FAM120AOS: variants seen among roughly 807,000 people sequenced by gnomAD.
FAM120AOS encodes the protein family with sequence similarity 120 member A opposite strand, also known as uncharacterized protein FAM120AOS.
Under a neutral mutation model 20.2 loss-of-function variants are expected in FAM120AOS, and 15 were observed. The observed-to-expected ratio is 0.74, with a 90% CI of 0.50 to 1.15. The LOEUF is 1.15. Ranked by LOEUF, FAM120AOS falls within the 50% of genes most tolerant of loss-of-function variation. The probability of loss-of-function intolerance (pLI) is 0.00; values close to 1 mark genes in which losing one functional copy is unlikely to be tolerated. For synonymous variants in FAM120AOS, 154 were observed against 154.0 expected (o/e 1.00, Z 0.00); for missense variants, 327 against 351.9 (o/e 0.93, Z 0.57).
In FAM120AOS at chr9:93,443,573, CT is replaced by C. The variant is rs955347393; in HGVS notation, c.*4037del. ...TGCTAAAATTCCCTGAAGAATGTTT[CT>C]TTTTTTTCTGTTTTGTCAGGCAATC... On this transcript the variant is annotated 3_prime_UTR_variant, in exon 3 of 3. Transcript: ENST00000375412. Among the ~76,000 whole-genome samples, 3 of 152,042 alleles carry C rather than the reference CT, an allele frequency of 2.0e-5. No homozygotes were observed. The East Asian group carries it at 5.8e-4, about 29-fold the overall frequency.
At chr9:93,448,885 A>T (rs977704797) in intron 2 of FAM120AOS, among the ~76,000 whole-genome samples, 2 of 151,886 alleles carry the variant, frequency 1.3e-5, no homozygotes, top group African/African-American at 4.8e-5. Flanking sequence ...AGCCTCCCAA[A>T]GTGCTGGGAT....
In FAM120AOS at chr9:93,446,083, CAG is replaced by C. The variant is rs1362801493; in HGVS notation, c.*1526_*1527del. 6.6e-6 allele frequency among the ~76,000 whole-genome samples: 1 copy of C among 152,160 alleles called. No homozygotes were observed. The highest frequency in any genetic ancestry group is 1.5e-5 in the Non-Finnish European group (1 of 68,034). ...GGGACTTTATAGGGCAGAGCTTTCC[CAG>C]ACTCTTGTTCCACCCTAAGGATAAA... On this transcript the variant is annotated 3_prime_UTR_variant, in exon 3 of 3. Transcript: ENST00000375412.
intron 2 of FAM120AOS, among the ~76,000 whole-genome samples, chr9:93,449,492 A>ATTTTTTTTTTTT (rs10667664): frequency 4.6e-5 from 5 of 109,510 alleles, no homozygotes; most frequent in East Asian, 2.7e-4. Flanking sequence ...TGGCACTGGC[A>ATTTTTTTTTTTT]TTTTTTTTTT....
At position 93,453,000 on chromosome 9, in the gene FAM120AOS, T is replaced by G. The variant is rs1857347726; in HGVS notation, c.-291A>C. Reference sequence around the variant, plus strand: ...CGTGTTCCTCTTAGTACAGGGTGTTTAGAGAATCTTTCTATGGCTTTTTGT... The same window carrying G: ...CGTGTTCCTCTTAGTACAGGGTGTTGAGAGAATCTTTCTATGGCTTTTTGT... On this transcript the variant is annotated 5_prime_UTR_variant, in exon 1 of 3. Transcript: ENST00000375412. This position sits in a 1 kb window ranked among gnomAD's most constrained non-coding sequence, Gnocchi z 7.0. The G allele has an allele frequency of 2.2e-5, 27 of 1,254,474 alleles. No individual in the cohort carries two copies. The South Asian group carries it at 4.6e-4, about 21-fold the overall frequency. The allele number at this position is 1,254,474 out of a possible 1,614,324, so 77.7% of individuals were successfully genotyped here.
In FAM120AOS at chr9:93,451,573, G is replaced by A. The variant is rs867701440; in HGVS notation, c.563+574C>T. 3 of 984,348 alleles carry A rather than the reference G, an allele frequency of 3.0e-6. No individual in the cohort carries two copies. In the African/African-American group the frequency reaches 5.3e-5, roughly 17 times the overall value. 61.0% of individuals were successfully genotyped at this position (984,348 alleles called of 1,614,324 possible). On this transcript the variant is annotated intron_variant, in intron 1 of 2. Transcript: ENST00000375412. ...GAGCCCCGAGCCGCGTCCCGCCGGCGCCGCCTCTTCCGCCTGCTAGCCGGC... is the reference window on the plus strand; with the variant it reads ...GAGCCCCGAGCCGCGTCCCGCCGGCACCGCCTCTTCCGCCTGCTAGCCGGC...
At chr9:93,447,882 G>A (rs1233393849) in intron 2 of FAM120AOS, among the ~76,000 whole-genome samples, 185 bp from the exon 3 acceptor site, 4 of 152,138 alleles carry the variant, frequency 2.6e-5, no homozygotes, top group Admixed American at 6.5e-5. Flanking sequence ...GCCGATACAC[G>A]GCTGCAGTGT....
At chr9:93,448,687 G>A (rs931355418) in intron 2 of FAM120AOS, among the ~76,000 whole-genome samples, 1 of 151,846 alleles carries the variant, frequency 6.6e-6, no homozygotes, top group South Asian at 2.1e-4. Flanking sequence ...GCGTGATCTC[G>A]GCTCACTGCA....
chr9:93,451,889 A>T (rs1400688019), intron 1 of FAM120AOS: 8 of 1,129,456 alleles, frequency 7.1e-6, no homozygotes, highest in Non-Finnish European at 7.6e-6. Flanking sequence ...CCCCGCCCGC[A>T]CCCGCGCCCG....
At chr9:93,451,880 C>A in intron 1 of FAM120AOS, 1 of 1,204,662 alleles carries the variant, frequency 8.3e-7, no homozygotes, top group Non-Finnish European at 1.0e-6. Context: ...CCCGCCGCCC[C>A]CCGCCCGCAC....
At position 93,452,160 on chromosome 9, in the gene FAM120AOS, C is replaced by T; in HGVS notation, c.550G>A (p.Ala184Thr). The change falls in exon 1 of 3, where the codon GCC becomes ACC. Residue 184 changes from alanine (A) to threonine (T), a missense_variant. Physicochemically the swap from Ala to Thr is moderately conservative, Grantham distance 58. Coordinates refer to ENST00000375412, the MANE Select transcript of FAM120AOS (RefSeq NM_198841.4). The surrounding 1 kb of genome is among the most constrained non-coding windows in gnomAD (Gnocchi z 7.0). ...ATGCTTGGCTACCTGGCGGCGCTGG[C>T]CAAGGCCTGCTTCGGCGGCAACATC... Reference protein sequence around the residue: ...SSMLPPKQALASAARNLCRGA... With the variant: ...SSMLPPKQALTSAARNLCRGA... 1 of 1,611,386 alleles carries T rather than the reference C, an allele frequency of 6.2e-7. No homozygotes were observed. The highest frequency in any genetic ancestry group is 8.5e-7 in the Non-Finnish European group (1 of 1,179,670).
rs771574548 is a variant in FAM120AOS, at chr9:93,445,902, T to C, written c.*1709A>G. ...TAGTTTAACCAAACTGGAGGCATGTTTTATATGATGGGCTGATGTCTCATG... is the reference window on the plus strand; with the variant it reads ...TAGTTTAACCAAACTGGAGGCATGTCTTATATGATGGGCTGATGTCTCATG... On this transcript the variant is annotated 3_prime_UTR_variant, in exon 3 of 3. Coordinates refer to ENST00000375412, the MANE Select transcript of FAM120AOS (RefSeq NM_198841.4). Among the ~76,000 whole-genome samples the C allele has an allele frequency of 2.6e-5, 4 of 152,150 alleles. No individual in the cohort carries two copies. The highest frequency in any genetic ancestry group is 5.9e-5 in the Non-Finnish European group (4 of 68,028).
chr9:93,453,110 A>C lies in FAM120AOS; in HGVS notation c.-401T>G, dbSNP rs1857356517. The stretch of plus-strand genomic sequence containing the variant: ...CACGTCCGTGTGAAAGAGGTCTTTA[A>C]GGCAGTTCGGTTTTGTAGATCCCAT... On this transcript the variant is annotated 5_prime_UTR_variant, in exon 1 of 3. Coordinates refer to ENST00000375412, the MANE Select transcript of FAM120AOS (RefSeq NM_198841.4). 5 of 1,025,686 alleles carry C rather than the reference A, an allele frequency of 4.9e-6. No homozygotes were observed. The highest frequency in any genetic ancestry group is 4.7e-6 in the Non-Finnish European group (4 of 856,438). 63.5% of individuals were successfully genotyped at this position (1,025,686 alleles called of 1,614,324 possible). A position where few individuals can be genotyped will look rare whatever the true frequency, so the allele number is the denominator to read the frequency against.
chr9:93,447,432 T>A lies in FAM120AOS; in HGVS notation c.*179A>T, dbSNP rs957437099. 8.3e-6 allele frequency: 5 copies of A among 603,470 alleles called. No homozygotes were observed. Among genetic ancestry groups the A allele is most frequent in the Non-Finnish European group, 1.5e-5 (5 of 336,938 alleles). 37.4% of individuals were successfully genotyped at this position (603,470 alleles called of 1,614,324 possible). ...TCCTCTCTTGACCTTCACATTCAGA[T>A]GTGTTAATAAAAGTGGATAAAGACC... On this transcript the variant is annotated 3_prime_UTR_variant, in exon 3 of 3. Coordinates refer to ENST00000375412, the MANE Select transcript of FAM120AOS (RefSeq NM_198841.4).
At position 93,453,449 on chromosome 9, in the gene FAM120AOS, T is replaced by C; in HGVS notation, c.-740A>G. ...ACAAATTTTGGGGGCCTTTTTGTTG[T>C]CTTAGCTCTTGACACTCGGTCTTCC... On this transcript the variant is annotated 5_prime_UTR_variant, in exon 1 of 3. Coordinates refer to ENST00000375412, the MANE Select transcript of FAM120AOS (RefSeq NM_198841.4). 2.0e-6 allele frequency: 2 copies of C among 985,484 alleles called. No homozygotes were observed. The highest frequency in any genetic ancestry group is 1.2e-6 in the Non-Finnish European group (1 of 829,940). The allele number at this position is 985,484 out of a possible 1,614,324, so 61.0% of individuals were successfully genotyped here. A position where few individuals can be genotyped will look rare whatever the true frequency, so the allele number is the denominator to read the frequency against.
At position 93,446,366 on chromosome 9, in the gene FAM120AOS, C is replaced by T. The variant is rs957601235; in HGVS notation, c.*1245G>A. On this transcript the variant is annotated 3_prime_UTR_variant, in exon 3 of 3. Coordinates refer to ENST00000375412, the MANE Select transcript of FAM120AOS (RefSeq NM_198841.4). ...TATTCTGGTATGAGAGACTTGCTTC[C>T]TCTGGAAAGATCTTTATGGTTTACA... The T allele has an allele frequency of 6.6e-6, 1 of 152,058 alleles. No individual in the cohort carries two copies. The highest frequency in any genetic ancestry group is 1.5e-5 in the Non-Finnish European group (1 of 68,018). The allele number at this position is 152,058 out of a possible 1,614,324, so 9.4% of individuals were successfully genotyped here.
At chr9:93,451,347 CTTCGCCCGAGA>C (rs1340513207) in intron 1 of FAM120AOS, 3 of 1,429,734 alleles carry the variant, frequency 2.1e-6, no homozygotes, top group Non-Finnish European at 9.1e-7. Context: ...CGCGGCTTCC[CTTCGCCCGAGA>C]ACCACCGGGC....
rs1008325891 is a variant in FAM120AOS, at chr9:93,444,171, G to C, written c.*3440C>G. 3.9e-5 allele frequency among the ~76,000 whole-genome samples: 6 copies of C among 152,002 alleles called. No homozygotes were observed. The highest frequency in any genetic ancestry group is 6.5e-5 in the Admixed American group (1 of 15,276). ...TTCTCCTGCCTCAGCCTCCCGAGTA[G>C]CTGGAATTATAGGCATGCACCACCA... On this transcript the variant is annotated 3_prime_UTR_variant, in exon 3 of 3. Transcript: ENST00000375412.
At chr9:93,449,051 TAAATA>T (rs1481928260) in intron 2 of FAM120AOS, among the ~76,000 whole-genome samples, 1 of 141,680 alleles carries the variant, frequency 7.1e-6, no homozygotes. Flanking sequence ...AGCTACTCAA[TAAATA>T]AAGTTTTTTT....
At position 93,443,636 on chromosome 9, in the gene FAM120AOS, C is replaced by T. The variant is rs983971222; in HGVS notation, c.*3975G>A. ...CCTTAGTCTGCAGGTCCTGCGTTGC[C>T]TTCTGTTTGGTGGTGGTGGTCCGAG... On this transcript the variant is annotated 3_prime_UTR_variant, in exon 3 of 3. Coordinates refer to ENST00000375412, the MANE Select transcript of FAM120AOS (RefSeq NM_198841.4). Among the ~76,000 whole-genome samples the T allele has an allele frequency of 2.0e-5, 3 of 152,184 alleles. No individual in the cohort carries two copies. The highest frequency in any genetic ancestry group is 4.4e-5 in the Non-Finnish European group (3 of 68,030).
Sources: allele counts gnomAD v4.1 joint callset (sites outside exome capture counted in the v4.1 genomes callset), GRCh38; gene constraint gnomAD v4.1.1; non-coding constraint Gnocchi (gnomAD v3.1); transcripts MANE v1.5; gene names NCBI Gene and HGNC (gene_info 2026-07-23, HGNC 2026-07-21).